The following NRXN3 variants were observed in gnomAD, a reference collection of about 807,000 sequenced individuals.
NRXN3 encodes the protein neurexin 3.
NRXN3 carries 32 observed loss-of-function variants against 137.6 expected under a neutral mutation model. The ratio of observed to expected loss-of-function variants is 0.23; its 90% CI spans 0.18 to 0.31. The LOEUF (loss-of-function observed/expected upper bound fraction) is 0.31. Among genes scored for constraint, NRXN3 ranks in the 10% least tolerant of loss-of-function variants. The pLI is 1.00. For synonymous variants in NRXN3, 798 were observed against 784.5 expected, an observed-to-expected ratio of 1.02 and a Z score of -0.29; for missense variants, 1,574 against 2,062.5, an observed-to-expected ratio of 0.76 and a Z score of 4.59.
chr14:78,465,013 T>C (rs2095055964), intron 4 of NRXN3, among the ~76,000 whole-genome samples: 1 of 152,204 alleles, frequency 6.6e-6, no homozygotes, highest in Non-Finnish European at 1.5e-5. Flanking sequence ...ATGCCTACTA[T>C]TCATTTTTTC....
intron 11 of NRXN3, among the ~76,000 whole-genome samples, chr14:78,958,595 T>C (rs1453296877): frequency 1.3e-5 from 2 of 152,154 alleles, no homozygotes; most frequent in Non-Finnish European, 2.9e-5. Context: ...GACCTCCTGA[T>C]CCACCCGCCT....
chr14:79,669,309 G>A (rs907328892), intron 17 of NRXN3: 2 of 152,074 alleles, frequency 1.3e-5, no homozygotes, highest in Non-Finnish European at 2.9e-5. Flanking sequence ...ACCAGAGAAA[G>A]CCTCACTTAA....
At chr14:79,656,832 C>T (rs116542089) in intron 16 of NRXN3, among the ~76,000 whole-genome samples, 3 of 152,044 alleles carry the variant, frequency 2.0e-5, no homozygotes, top group Non-Finnish European at 4.4e-5. Context: ...GTGCAAAGTT[C>T]GCTGAGGCCT....
At chr14:79,769,410 C>T (rs898686883) in intron 19 of NRXN3, among the ~76,000 whole-genome samples, 42 of 152,214 alleles carry the variant, frequency 2.8e-4, no homozygotes, top group Non-Finnish European at 4.7e-4. Context: ...GCCCATCAGA[C>T]TAACAGCAGA....
chr14:78,933,723 C>A (rs376042207), intron 10 of NRXN3, among the ~76,000 whole-genome samples: 113 of 152,290 alleles, frequency 7.4e-4, no homozygotes, highest in African/African-American at 2.6e-3. Flanking sequence ...ATGGTCAAAT[C>A]TAGCTAATTA....
At chr14:79,318,644 G>T (rs575570901) in intron 15 of NRXN3, among the ~76,000 whole-genome samples, 16 of 152,166 alleles carry the variant, frequency 1.1e-4, no homozygotes, top group Non-Finnish European at 2.4e-4. Context: ...TATTGGGAGT[G>T]TTCCTTTACG....
chr14:79,273,857 G>A (rs1308873489), intron 15 of NRXN3, among the ~76,000 whole-genome samples: 1 of 151,826 alleles, frequency 6.6e-6, no homozygotes, highest in Non-Finnish European at 1.5e-5. Flanking sequence ...AGCATTTTGA[G>A]AGTCCGAGGT....
intron 4 of NRXN3, among the ~76,000 whole-genome samples, chr14:78,625,726 G>T (rs2097451748): frequency 6.6e-6 from 1 of 152,192 alleles, no homozygotes; most frequent in Non-Finnish European, 1.5e-5. Context: ...ACTTCCCCAG[G>T]CTTGCATCCC....
At chr14:79,011,674 C>G (rs549204850) in intron 15 of NRXN3, among the ~76,000 whole-genome samples, 2 of 152,176 alleles carry the variant, frequency 1.3e-5, no homozygotes, top group East Asian at 1.9e-4. Flanking sequence ...GCTACACTTA[C>G]AACAGTCTTT....
rs142491137 is a variant in NRXN3, at chr14:79,668,478, G to A, written c.3616+4529G>A. Among the ~76,000 whole-genome samples, 488 of 152,178 alleles carry A rather than the reference G, an allele frequency of 3.2e-3. 6 individuals are homozygous for A. The highest frequency in any genetic ancestry group is 0.011 in the African/African-American group (465 of 41,546). On this transcript the variant is annotated intron_variant, in intron 17 of 20. Coordinates refer to ENST00000335750, the MANE Select transcript of NRXN3 (RefSeq NM_001330195.2). The stretch of plus-strand genomic sequence containing the variant: ...ACTTTCCCAGTGTCACACAGCTTAA[G>A]GAGCAGAGCCAACACTTTTCTATCC...
At chr14:79,264,670 T>C (rs1005736524) in intron 15 of NRXN3, among the ~76,000 whole-genome samples, 7 of 152,110 alleles carry the variant, frequency 4.6e-5, no homozygotes, top group African/African-American at 1.7e-4. Flanking sequence ...CTTAATTACC[T>C]CTTTCAAGGC....
At chr14:78,862,933 GATTAATGC>G in intron 10 of NRXN3, among the ~76,000 whole-genome samples, 1 of 152,182 alleles carries the variant, frequency 6.6e-6, no homozygotes, top group African/African-American at 2.4e-5. Context: ...TGTAATTCTG[GATTAATGC>G]TTATATGATT....
chr14:78,248,657 C>G (rs577673006), intron 2 of NRXN3, among the ~76,000 whole-genome samples: 29 of 152,060 alleles, frequency 1.9e-4, no homozygotes, highest in Non-Finnish European at 3.4e-4. Flanking sequence ...AGTGCACATG[C>G]TGCTTGAATT....
At chr14:79,168,838 A>G (rs1445304842) in intron 15 of NRXN3, among the ~76,000 whole-genome samples, 1 of 152,040 alleles carries the variant, frequency 6.6e-6, no homozygotes, top group East Asian at 1.9e-4. Context: ...TGTAATACCT[A>G]AATTTATAGT....
At chr14:79,384,313 G>A (rs2039990353) in intron 15 of NRXN3, among the ~76,000 whole-genome samples, 1 of 152,098 alleles carries the variant, frequency 6.6e-6, no homozygotes, top group African/African-American at 2.4e-5. Context: ...CTATGCCATG[G>A]TTTTGGTACA....
chr14:78,840,430 G>T (rs1393029781), intron 10 of NRXN3, among the ~76,000 whole-genome samples: 1 of 152,146 alleles, frequency 6.6e-6, no homozygotes, highest in African/African-American at 2.4e-5. Flanking sequence ...ATATTACTTA[G>T]AAGTTAAAAG....
intron 4 of NRXN3, among the ~76,000 whole-genome samples, chr14:78,392,689 CAATA>C (rs1475974635): frequency 5.3e-5 from 8 of 151,996 alleles, no homozygotes; most frequent in African/African-American, 1.9e-4. Flanking sequence ...GTAAAATGGT[CAATA>C]AATGTTGGCT....
chr14:79,049,098 T>TAATAATAC (rs1272827423), intron 15 of NRXN3, among the ~76,000 whole-genome samples: 2,432 of 102,238 alleles, frequency 0.024, 435 homozygotes, highest in African/African-American at 0.087. Flanking sequence ...AATAATAATA[T>TAATAATAC]GATGGGGTGT....
At chr14:78,438,801 A>G (rs746511114) in intron 4 of NRXN3, among the ~76,000 whole-genome samples, 1 of 152,118 alleles carries the variant, frequency 6.6e-6, no homozygotes, top group African/African-American at 2.4e-5. Context: ...GAACAAGGAC[A>G]CAGCTGTGTT....
Sources: gnomAD v4.1 joint callset for allele counts (sites outside exome capture counted in the v4.1 genomes callset) on GRCh38, gnomAD v4.1.1 for gene constraint, MANE v1.5 for transcripts, NCBI Gene and HGNC (gene_info 2026-07-23, HGNC 2026-07-21) for gene names.